The following PIK3R1 variants were observed in gnomAD, a reference collection of about 807,000 sequenced individuals.
The protein encoded by PIK3R1 is phosphatidylinositol 3-kinase regulatory subunit alpha.
Under a neutral mutation model 98.0 loss-of-function variants are expected in PIK3R1, and 29 were observed. That is an observed-to-expected ratio of 0.30 (90% CI 0.22 to 0.40). PIK3R1 has a LOEUF of 0.40. Among genes scored for constraint, PIK3R1 ranks in the 10% least tolerant of loss-of-function variants. PIK3R1 has a pLI of 1.00. For synonymous variants in PIK3R1, 282 were observed against 311.8 expected (o/e 0.90, Z 1.01); for missense variants, 596 against 872.7 (o/e 0.68, Z 3.99).
At chr5:68,222,545 A>G (rs1464753034) in intron 1 of PIK3R1, among the ~76,000 whole-genome samples, 3 of 152,184 alleles carry the variant, frequency 2.0e-5, no homozygotes, top group Non-Finnish European at 4.4e-5. Flanking sequence ...TGTGCCCAGT[A>G]TTCTTTTATT....
intron 2 of PIK3R1, among the ~76,000 whole-genome samples, chr5:68,266,526 A>G (rs986881949): frequency 1.3e-5 from 2 of 152,250 alleles, no homozygotes; most frequent in East Asian, 1.9e-4. Flanking sequence ...TATCAAGATC[A>G]TTTAACTTGA....
At chr5:68,221,380 A>G (rs565403902) in intron 1 of PIK3R1, among the ~76,000 whole-genome samples, 1 of 152,256 alleles carries the variant, frequency 6.6e-6, no homozygotes, top group South Asian at 2.1e-4. Flanking sequence ...AGCTTGACCT[A>G]GACTCTGAAC....
At chr5:68,241,298 G>A (rs115075598) in intron 2 of PIK3R1, among the ~76,000 whole-genome samples, 1,936 of 151,760 alleles carry the variant, frequency 0.013, 19 homozygotes, top group Non-Finnish European at 0.02. Context: ...GTGCATGTTC[G>A]ATTAATTTTG....
At chr5:68,273,306 A>C (rs1746438174) in intron 2 of PIK3R1, 84 bp from the exon 3 acceptor site, 1 of 1,265,254 alleles carries the variant, frequency 7.9e-7, no homozygotes, top group Admixed American at 1.7e-5. Flanking sequence ...TGATGTAATT[A>C]AATTATTTTG....
chr5:68,223,365 C>G (rs932133150), intron 1 of PIK3R1, among the ~76,000 whole-genome samples: 3 of 151,820 alleles, frequency 2.0e-5, no homozygotes, highest in African/African-American at 7.3e-5. Context: ...GACTTGACTG[C>G]TCTCCTTTTT....
chr5:68,224,051 T>A (rs1269162365), intron 1 of PIK3R1, among the ~76,000 whole-genome samples: 2 of 152,212 alleles, frequency 1.3e-5, no homozygotes, highest in African/African-American at 4.8e-5. Context: ...GTTGAGGATT[T>A]TTTTTTCCCC....
At chr5:68,274,392 C>T (rs1216026250) in intron 4 of PIK3R1, among the ~76,000 whole-genome samples, 2 of 152,198 alleles carry the variant, frequency 1.3e-5, no homozygotes, top group Non-Finnish European at 2.9e-5. Context: ...TATTTTTAAG[C>T]CTATGTCACT....
chr5:68,239,963 T>C (rs1309503948), intron 2 of PIK3R1: 2 of 489,898 alleles, frequency 4.1e-6, no homozygotes, highest in Non-Finnish European at 8.1e-6. Context: ...GGGCAGTTCA[T>C]TCCTCCTGCA....
Position 68,300,316 on chromosome 5 carries a change from T to C in PIK3R1, c.*2715T>C, listed in dbSNP as rs1240731443. ...AGCTTGCCCACCGCATTTGTCGTTT[T>C]AGATACTTTGCTAGCCGGCCACTTT... On this transcript the variant is annotated 3_prime_UTR_variant, in exon 16 of 16. Transcript: ENST00000521381. 8.6e-6 allele frequency: 2 copies of C among 233,142 alleles called. No homozygotes were observed. The highest frequency in any genetic ancestry group is 1.7e-5 in the Non-Finnish European group (2 of 117,944). The allele number at this position is 233,142 out of a possible 1,614,324, so 14.4% of individuals were successfully genotyped here. A position where few individuals can be genotyped will look rare whatever the true frequency, so the allele number is the denominator to read the frequency against.
intron 2 of PIK3R1, among the ~76,000 whole-genome samples, chr5:68,262,718 T>C (rs1390941412): frequency 4.9e-5 from 7 of 142,102 alleles, no homozygotes; most frequent in Non-Finnish European, 1.1e-4. Flanking sequence ...TGTAGATGCA[T>C]GTATACATAT....
intron 7 of PIK3R1, chr5:68,290,781 C>T: frequency 6.2e-7 from 1 of 1,613,488 alleles, no homozygotes; most frequent in Non-Finnish European, 8.5e-7. Flanking sequence ...TATGCCAAGA[C>T]AGATATAAAT....
intron 1 of PIK3R1, among the ~76,000 whole-genome samples, chr5:68,224,062 C>T (rs113487979): frequency 6.6e-6 from 1 of 152,078 alleles, no homozygotes; most frequent in Non-Finnish European, 1.5e-5. Context: ...TTTTTTCCCC[C>T]CTAAAAGACA....
intron 2 of PIK3R1, among the ~76,000 whole-genome samples, chr5:68,255,207 T>C (rs1441625237): frequency 6.6e-6 from 1 of 152,250 alleles, no homozygotes; most frequent in Non-Finnish European, 1.5e-5. Flanking sequence ...ATTTGCAAAG[T>C]ACTCACTTTT....
intron 2 of PIK3R1, among the ~76,000 whole-genome samples, chr5:68,234,819 G>C (rs1744605671): frequency 6.6e-6 from 1 of 152,146 alleles, no homozygotes; most frequent in Admixed American, 6.5e-5. Flanking sequence ...ATAGGCATTA[G>C]ACAAGGCTGC....
chr5:68,219,802 A>G (rs1320690384), intron 1 of PIK3R1, among the ~76,000 whole-genome samples: 1 of 152,260 alleles, frequency 6.6e-6, no homozygotes, highest in Non-Finnish European at 1.5e-5. Context: ...TTAAATCTGA[A>G]TTGTATAAAT....
intron 2 of PIK3R1, among the ~76,000 whole-genome samples, chr5:68,254,509 C>T (rs893526126): frequency 2.0e-5 from 3 of 152,180 alleles, no homozygotes; most frequent in Non-Finnish European, 4.4e-5. Flanking sequence ...CATCTTAGGC[C>T]TCTAACCCCA....
intron 2 of PIK3R1, among the ~76,000 whole-genome samples, chr5:68,238,601 A>G (rs116148133): frequency 0.011 from 1,745 of 152,342 alleles, 42 homozygotes; most frequent in African/African-American, 0.04. Flanking sequence ...GCATATTAAA[A>G]TTCATGTGTA....
intron 1 of PIK3R1, among the ~76,000 whole-genome samples, chr5:68,219,448 C>T (rs369192219): frequency 3.3e-5 from 5 of 152,302 alleles, no homozygotes; most frequent in Middle Eastern, 3.4e-3. Flanking sequence ...TCTTCCTCCC[C>T]GGATGTCCCA....
rs1747193893 is a variant in PIK3R1 at position 68,288,557 on chromosome 5, G to A, written c.917-3702G>A. The A allele has an allele frequency of 3.3e-6, 5 of 1,505,876 alleles. 1 individual carries two copies. The South Asian group carries it at 5.4e-5, about 16-fold the overall frequency. The allele number at this position is 1,505,876 out of a possible 1,614,324, so 93.3% of individuals were successfully genotyped here. ...CGGAGCTGGGCCACTGTGCACGCCC[G>A]GAGGGTCCTGGCGGCGCCCCCGCTC... On this transcript the variant is annotated intron_variant, in intron 7 of 15. Transcript: ENST00000521381.
Sources: allele counts gnomAD v4.1 joint callset (sites outside exome capture counted in the v4.1 genomes callset), GRCh38; gene constraint gnomAD v4.1.1; transcripts MANE v1.5; gene names NCBI Gene and HGNC (gene_info 2026-07-23, HGNC 2026-07-21).